Variants in HABP2 observed in about 807,000 individuals in gnomAD.
HABP2 encodes the protein factor VII-activating protease.
HABP2 carries 65 observed loss-of-function variants against 66.5 expected under a neutral mutation model. That is an observed-to-expected ratio of 0.98 (90% confidence interval 0.80 to 1.20). The LOEUF (loss-of-function observed/expected upper bound fraction) is 1.20, where lower values mean the gene tolerates loss of function less well. Ranked by LOEUF, HABP2 falls within the 50% of genes most tolerant of loss-of-function variation. The pLI, the probability that HABP2 is intolerant of heterozygous loss-of-function variation, is 0.00. For synonymous variants in HABP2, 263 were observed against 253.9 expected (o/e 1.04, Z -0.34); for missense variants, 786 against 691.0 (o/e 1.14, Z -1.54).
chr10:113,578,568 T>G, intron 6 of HABP2, 59 bp from the exon 7 acceptor site: 14 of 1,238,346 alleles, frequency 1.1e-5, no homozygotes, highest in Non-Finnish European at 1.6e-5. Context: ...ACCAAGCCCT[T>G]TTTGGGAGTG....
chr10:113,589,472 C>T lies in HABP2; in HGVS notation c.*1103C>T. On this transcript the variant is annotated 3_prime_UTR_variant, in exon 13 of 13. Transcript: ENST00000351270. ...GGCTGTGACTTCAGAGAAAGCCCTG[C>T]AGGAAGTTTAACCTGCGTGTCATCT... The T allele has an allele frequency of 3.1e-6, 2 of 642,056 alleles. No individual in the cohort carries two copies. The highest frequency in any genetic ancestry group is 5.3e-6 in the Non-Finnish European group (2 of 378,858). 39.8% of individuals were successfully genotyped at this position (642,056 alleles called of 1,614,324 possible).
At chr10:113,582,617 G>A (rs1204509116) in intron 9 of HABP2, among the ~76,000 whole-genome samples, 1 of 152,164 alleles carries the variant, frequency 6.6e-6, no homozygotes, top group Non-Finnish European at 1.5e-5. Flanking sequence ...GACTTCTTTT[G>A]TCCTGCCCTG....
At position 113,578,652 on chromosome 10, in the gene HABP2, T is replaced by C; in HGVS notation, c.594T>C (p.Asp198=). 1 of 1,613,452 alleles carries C rather than the reference T, an allele frequency of 6.2e-7. No individual in the cohort carries two copies. Among genetic ancestry groups the C allele is most frequent in the Non-Finnish European group, 8.5e-7 (1 of 1,179,458 alleles). Reference sequence around the variant, plus strand: ...GTTCTGATGACTGCTATGTTGGCGATGGCTACTCTTACCGAGGGAAAATGA... The same window carrying C: ...GTTCTGATGACTGCTATGTTGGCGACGGCTACTCTTACCGAGGGAAAATGA... The part of the protein sequence containing the change: ...EIGSDDCYVG[D]GYSYRGKMNR... The change falls in exon 7 of 13, where the codon GAT becomes GAC. Residue 198 remains aspartate, a synonymous_variant. Transcript: ENST00000351270.
At chr10:113,579,935 A>G (rs1342407146) in intron 7 of HABP2, among the ~76,000 whole-genome samples, 1 of 151,972 alleles carries the variant, frequency 6.6e-6, no homozygotes, top group Non-Finnish European at 1.5e-5. Flanking sequence ...GGTGCGCACC[A>G]CCACACCCGG....
At chr10:113,564,285 A>G (rs537761549) in intron 1 of HABP2, among the ~76,000 whole-genome samples, 82 of 152,224 alleles carry the variant, frequency 5.4e-4, no homozygotes, top group Admixed American at 3.4e-3. Context: ...CCTATGACAC[A>G]TGGGAATTAT....
At chr10:113,552,491 A>C (rs1844915938), upstream of HABP2, among the ~76,000 whole-genome samples, 2 of 152,196 alleles carry the variant, frequency 1.3e-5, no homozygotes, top group South Asian at 2.1e-4. Context: ...AAGGGGAAAA[A>C]ATAATTAAAA....
chr10:113,554,359 G>A (rs3781390), intron 1 of HABP2, among the ~76,000 whole-genome samples: 51,274 of 152,042 alleles, frequency 0.34, 8,906 homozygotes, highest in Middle Eastern at 0.49. Flanking sequence ...TCCATAGAGC[G>A]TTTCCTGAAT....
At chr10:113,573,334 G>A (rs1845348100) in intron 2 of HABP2, among the ~76,000 whole-genome samples, 1 of 152,206 alleles carries the variant, frequency 6.6e-6, no homozygotes, top group South Asian at 2.1e-4. Flanking sequence ...CTAGTGTGAG[G>A]TTTACAACTG....
At chr10:113,578,477 A>G in intron 6 of HABP2, 150 bp from the exon 7 acceptor site, 1 of 642,444 alleles carries the variant, frequency 1.6e-6, no homozygotes, top group Non-Finnish European at 2.8e-6. Flanking sequence ...GGGACATTCA[A>G]CACTTTTTTT....
At position 113,588,269 on chromosome 10, in the gene HABP2, G is replaced by T. The variant is rs781169558; in HGVS notation, c.1583G>T (p.Ser528Ile). The change falls in exon 13 of 13, where the codon AGC (serine) becomes ATC (isoleucine). Residue 528 changes from serine (S) to isoleucine (I), a missense_variant. Ser to Ile is a moderately radical substitution (Grantham distance 142, BLOSUM62 -2). Transcript: ENST00000351270. ...DGTYYVYGIV[S>I]WGLECGKRPG... ...ACCTACTACGTCTATGGGATAGTGA[G>T]CTGGGGCCTGGAGTGTGGGAAGAGG... 2.5e-6 allele frequency: 4 copies of T among 1,613,708 alleles called. No homozygotes were observed. The highest frequency in any genetic ancestry group is 1.7e-5 in the Admixed American group (1 of 59,994).
At position 113,567,180 on chromosome 10, in the gene HABP2, C is replaced by A. The variant is rs10885474; in HGVS notation, c.70-309C>A. Among the ~76,000 whole-genome samples the A allele has an allele frequency of 0.31, 46,537 of 151,808 alleles. 7,696 individuals are homozygous for A. Among genetic ancestry groups the A allele is most frequent in the East Asian group, 0.47 (2,424 of 5,122 alleles). ...CAGGGAGTAGATGAAACTCACTGCA[C>A]CTGACGAGCACACCAGTACCTGGGC... On this transcript the variant is annotated intron_variant, in intron 1 of 12. Coordinates refer to ENST00000351270, the MANE Select transcript of HABP2 (RefSeq NM_004132.5).
Position 113,585,884 on chromosome 10 carries a change from T to C in HABP2, c.1464T>C (p.Asp488=), listed in dbSNP as rs764026912. The C allele has an allele frequency of 3.1e-6, 5 of 1,613,754 alleles. No individual in the cohort carries two copies. The highest frequency in any genetic ancestry group is 4.2e-6 in the Non-Finnish European group (5 of 1,179,710). The change falls in exon 12 of 13, where the codon GAT becomes GAC. Residue 488 remains aspartate, a synonymous_variant. Transcript: ENST00000351270. ...GCCAACTCTATGACCACATGATTGATGACAGTATGATCTGTGCAGGAAATC... is the reference window on the plus strand; with the variant it reads ...GCCAACTCTATGACCACATGATTGACGACAGTATGATCTGTGCAGGAAATC... The part of the protein sequence containing the change: ...NSRQLYDHMI[D]DSMICAGNLQ...
At chr10:113,574,927 T>TTG (rs999968890) in intron 3 of HABP2, among the ~76,000 whole-genome samples, 152 of 151,934 alleles carry the variant, frequency 1.0e-3, no homozygotes, top group Middle Eastern at 3.4e-3. Flanking sequence ...AATTGTTAGA[T>TTG]TGTGTGTGTG....
At chr10:113,586,872 G>A (rs2133788655) in intron 12 of HABP2, among the ~76,000 whole-genome samples, 1 of 152,294 alleles carries the variant, frequency 6.6e-6, no homozygotes, top group African/African-American at 2.4e-5. Context: ...TTTGGGATGG[G>A]ACATCAAGGT....
Position 113,574,366 on chromosome 10 carries a change from G to A in HABP2, c.184G>A (p.Ala62Thr), listed in dbSNP as rs1394017185. The A allele has an allele frequency of 3.1e-6, 5 of 1,594,292 alleles. No homozygotes were observed. Among genetic ancestry groups the A allele is most frequent in the Admixed American group, 1.7e-5 (1 of 59,990 alleles). ...EENTSSTLTH[A>T]ENPDWYYTED... is the part of the protein sequence containing the mutation. ...GAACACCAGTAGCACACTTACCCAC[G>A]CTGAGAATCCTGACTGGTACTACAC... Residue 62 changes from alanine (A) to threonine (T), a missense_variant, in exon 3 of 13, where the codon GCT (alanine) becomes ACT (threonine). By Grantham distance (58) the Ala-to-Thr change is moderately conservative. Coordinates refer to ENST00000351270, the MANE Select transcript of HABP2 (RefSeq NM_004132.5).
intron 12 of HABP2, 37 bp from the exon 13 acceptor site, chr10:113,588,168 G>T: frequency 6.5e-7 from 1 of 1,549,460 alleles, no homozygotes; most frequent in Non-Finnish European, 8.7e-7. Context: ...GATGTCTCTG[G>T]TTCACGAGGA....
Position 113,585,819 on chromosome 10 carries a change from G to A in HABP2, c.1399G>A (p.Ala467Thr), listed in dbSNP as rs756448349. The A allele has an allele frequency of 1.9e-6, 3 of 1,613,726 alleles. No individual in the cohort carries two copies. Among genetic ancestry groups the A allele is most frequent in the South Asian group, 2.2e-5 (2 of 91,074 alleles). The change falls in exon 12 of 13, where the codon GCC (alanine) becomes ACC (threonine). Residue 467 changes from alanine to threonine, a missense_variant. Physicochemically the swap from Ala to Thr is moderately conservative, Grantham distance 58 (BLOSUM62 0). Coordinates refer to ENST00000351270, the MANE Select transcript of HABP2 (RefSeq NM_004132.5). ...AAAAGGGTCCCGCCAGCTCCTGGAT[G>A]CCAAAGTCAAGCTGATTGCCAACAC... ...TGKGSRQLLD[A>T]KVKLIANTLC...
Position 113,588,355 on chromosome 10 carries a change from G to C in HABP2, c.1669G>C (p.Glu557Gln). Residue 557 changes from glutamate (E) to glutamine (Q), a missense_variant, in exon 13 of 13, where the codon GAA becomes CAA. Coordinates refer to ENST00000351270, the MANE Select transcript of HABP2 (RefSeq NM_004132.5). ...LNWIKATIKS[E>Q]SGF ...TTGGATCAAAGCCACCATCAAAAGT[G>C]AAAGTGGCTTCTAAGGTACTGTCTT... 11 of 1,612,884 alleles carry C rather than the reference G, an allele frequency of 6.8e-6. No individual in the cohort carries two copies. The highest frequency in any genetic ancestry group is 8.5e-6 in the Non-Finnish European group (10 of 1,179,406).
In HABP2 at chr10:113,581,045, G is replaced by A. The variant is rs1002135493; in HGVS notation, c.838+353G>A. On this transcript the variant is annotated intron_variant, in intron 8 of 12. Coordinates refer to ENST00000351270, the MANE Select transcript of HABP2 (RefSeq NM_004132.5). ...CTGGCTGGGCTCCCATAGCCTCTTA[G>A]GATGCAAAGCATTCAAATTCCAGCC... Among the ~76,000 whole-genome samples, 13 of 152,292 alleles carry A rather than the reference G, an allele frequency of 8.5e-5. No homozygotes were observed. In the South Asian group the frequency reaches 1.7e-3, roughly 19 times the overall value.
Sources: allele counts gnomAD v4.1 joint callset (sites outside exome capture counted in the v4.1 genomes callset), GRCh38; gene constraint gnomAD v4.1.1; transcripts MANE v1.5; gene names NCBI Gene and HGNC (gene_info 2026-07-23, HGNC 2026-07-21).